SPINK8: variants seen among roughly 807,000 people sequenced by gnomAD.
The protein encoded by SPINK8 is serine protease inhibitor Kazal-type 8.
Under a neutral mutation model 14.4 loss-of-function variants are expected in SPINK8, and 12 were observed. That is an observed-to-expected ratio of 0.83 (90% confidence interval 0.53 to 1.35). The LOEUF (loss-of-function observed/expected upper bound fraction) is 1.35, where lower values mean the gene tolerates loss of function less well. Among genes scored for constraint, SPINK8 ranks in the 40% most tolerant of loss-of-function variants. The pLI is 0.00. For synonymous variants in SPINK8, 32 were observed against 37.6 expected, an observed-to-expected ratio of 0.85 and a Z score of 0.55; for missense variants, 103 against 117.0, an observed-to-expected ratio of 0.88 and a Z score of 0.55.
chr3:48,315,780 T>TA (rs2035983206), intron 6 of SPINK8, among the ~76,000 whole-genome samples: 1 of 98,626 alleles, frequency 1.0e-5, no homozygotes. Flanking sequence ...AACAAAGAAC[T>TA]AAAGGCAAGT....
intron 7 of SPINK8, 45 bp from the exon 8 acceptor site, chr3:48,307,048 T>TAAGAGAAAAG: frequency 6.2e-7 from 1 of 1,602,180 alleles, no homozygotes; most frequent in Non-Finnish European, 8.5e-7. Context: ...TTGAGGAAGT[T>TAAGAGAAAAG]AAGAGAAAAG....
chr3:48,325,481 C>A (rs11714944), intron 4 of SPINK8, among the ~76,000 whole-genome samples: 32,316 of 150,562 alleles, frequency 0.21, 4,280 homozygotes, highest in South Asian at 0.3. Context: ...CTGTAGTGCA[C>A]TGGTACATTC....
chr3:48,307,826 C>T (rs1441003136), intron 7 of SPINK8, among the ~76,000 whole-genome samples: 2 of 152,082 alleles, frequency 1.3e-5, no homozygotes, highest in Non-Finnish European at 2.9e-5. Flanking sequence ...TTCTTCAACG[C>T]TCTTCCCCAG....
intron 2 of SPINK8, among the ~76,000 whole-genome samples, chr3:48,332,057 T>G (rs1414473483): frequency 2.0e-5 from 3 of 152,198 alleles, no homozygotes; most frequent in Non-Finnish European, 4.4e-5. Flanking sequence ...GGGGCATGGA[T>G]GAGGGGGTGG....
chr3:48,323,770 C>T (rs1439127806), intron 4 of SPINK8, among the ~76,000 whole-genome samples: 1 of 152,042 alleles, frequency 6.6e-6, no homozygotes. Flanking sequence ...GTGTTTTTCC[C>T]CTGGACTCTT....
intron 6 of SPINK8, among the ~76,000 whole-genome samples, chr3:48,316,912 T>A (rs1393710601): frequency 1.3e-5 from 2 of 152,234 alleles, no homozygotes; most frequent in East Asian, 3.8e-4. Context: ...GGCAATTTGT[T>A]GCTAGCAGAC....
At chr3:48,326,989 A>G (rs2036155171) in intron 4 of SPINK8, among the ~76,000 whole-genome samples, 1 of 152,124 alleles carries the variant, frequency 6.6e-6, no homozygotes, top group Non-Finnish European at 1.5e-5. Context: ...TTCAGGTACC[A>G]CTCCTGACAC....
intron 6 of SPINK8, among the ~76,000 whole-genome samples, chr3:48,317,500 A>G (rs558288540): frequency 6.6e-6 from 1 of 152,232 alleles, no homozygotes; most frequent in South Asian, 2.1e-4. Flanking sequence ...AAAAATAAAA[A>G]AAAAGGAGCA....
chr3:48,326,329 C>T (rs4632568), intron 4 of SPINK8, among the ~76,000 whole-genome samples: 32,846 of 152,090 alleles, frequency 0.22, 4,369 homozygotes, highest in South Asian at 0.3. Flanking sequence ...GTGGTCTGGC[C>T]GGGCGCGGTG....
In SPINK8 at chr3:48,332,386, T is replaced by C. The variant is rs2036276741; in HGVS notation, c.-156A>G. On this transcript the variant is annotated 5_prime_UTR_variant, in exon 2 of 8. Transcript: ENST00000434006. ...CTTACCCTTTAAGATTAGTTGGCCT[T>C]CAATAGATCCAGATGACAGAGAGGT... Among the ~76,000 whole-genome samples, 1 of 152,192 alleles carries C rather than the reference T, an allele frequency of 6.6e-6. No individual in the cohort carries two copies. Among genetic ancestry groups the C allele is most frequent in the Non-Finnish European group, 1.5e-5 (1 of 68,026 alleles).
rs755131978 is a variant in SPINK8 at position 48,328,246 on chromosome 3, T to C, written c.67+29A>G. ...ATGATTCTAGATTTACTGCAGAAAA[T>C]GTGGGCAGAGCAAGGACACATAACT... On this transcript the variant is annotated intron_variant, in intron 4 of 7. Transcript: ENST00000434006. 1.0e-5 allele frequency: 16 copies of C among 1,581,940 alleles called. No individual in the cohort carries two copies. In the South Asian group the frequency reaches 1.8e-4, roughly 18 times the overall value.
intron 6 of SPINK8, among the ~76,000 whole-genome samples, chr3:48,311,390 G>A (rs767735121): frequency 3.3e-5 from 5 of 152,060 alleles, no homozygotes; most frequent in Admixed American, 1.3e-4. Flanking sequence ...AATTCTAGGC[G>A]AGCAATTAGG....
chr3:48,323,356 C>T (rs2036100572), intron 4 of SPINK8, among the ~76,000 whole-genome samples: 1 of 152,098 alleles, frequency 6.6e-6, no homozygotes, highest in Non-Finnish European at 1.5e-5. Flanking sequence ...GCCTCAGCCT[C>T]CTAAAGTTCT....
intron 5 of SPINK8, 44 bp downstream of exon 5, chr3:48,320,981 C>G (rs1413083404): frequency 3.8e-6 from 6 of 1,563,824 alleles, no homozygotes. Context: ...CAAACTGGCT[C>G]TCTCCCCATT....
At chr3:48,321,936 C>T (rs879342968) in intron 4 of SPINK8, among the ~76,000 whole-genome samples, 1 of 148,428 alleles carries the variant, frequency 6.7e-6, no homozygotes, top group Non-Finnish European at 1.5e-5. Context: ...CCTCAGCCTC[C>T]CAAGTGGCTG....
At chr3:48,314,755 G>C (rs1333219714) in intron 6 of SPINK8, among the ~76,000 whole-genome samples, 1 of 152,190 alleles carries the variant, frequency 6.6e-6, no homozygotes, top group African/African-American at 2.4e-5. Flanking sequence ...TGTAACAGTT[G>C]TGAAAAACAA....
chr3:48,323,493 C>A (rs1313903512), intron 4 of SPINK8, among the ~76,000 whole-genome samples: 1 of 152,168 alleles, frequency 6.6e-6, no homozygotes, highest in Non-Finnish European at 1.5e-5. Context: ...GCCTTTGGTG[C>A]CATCGTTAAG....
At chr3:48,309,762 G>C in intron 7 of SPINK8, 142 bp downstream of exon 7, 1 of 1,214,468 alleles carries the variant, frequency 8.2e-7, no homozygotes, top group African/African-American at 1.6e-5. Flanking sequence ...CACATGATAG[G>C]CTTATGGGAT....
chr3:48,312,902 G>A (rs1362897708), intron 6 of SPINK8, among the ~76,000 whole-genome samples: 1 of 151,334 alleles, frequency 6.6e-6, no homozygotes, highest in African/African-American at 2.4e-5. Context: ...GGAGGCTGAG[G>A]CAGGAGAATT....
Sources: gnomAD v4.1 joint callset for allele counts (sites outside exome capture counted in the v4.1 genomes callset) on GRCh38, gnomAD v4.1.1 for gene constraint, MANE v1.5 for transcripts, NCBI Gene and HGNC (gene_info 2026-07-23, HGNC 2026-07-21) for gene names.